Variants in ARHGAP35 observed in about 807,000 individuals in gnomAD.
ARHGAP35 encodes rho GTPase-activating protein 35.
In ARHGAP35, 15 loss-of-function variants were observed where a neutral mutation model predicts 111.1. That is an observed-to-expected ratio of 0.13 (90% CI 0.09 to 0.21). The LOEUF is 0.21. ARHGAP35 is among the 10% of genes least tolerant of loss of function. The pLI, the probability that ARHGAP35 is intolerant of heterozygous loss-of-function variation, is 1.00. For synonymous variants in ARHGAP35, 643 were observed against 710.3 expected (o/e 0.91, Z 1.51); for missense variants, 1,262 against 1,873.0 (o/e 0.67, Z 6.02).
At chr19:46,906,124 C>T (rs780050520) in intron 1 of ARHGAP35, among the ~76,000 whole-genome samples, 1 of 151,696 alleles carries the variant, frequency 6.6e-6, no homozygotes, top group Non-Finnish European at 1.5e-5. Context: ...CTACACCAGC[C>T]TAGGCTACAT....
Position 46,937,323 on chromosome 19 carries a change from T to TGG in ARHGAP35, c.3744_3745dup (p.Val1249GlyfsTer4). ...AGGCAACCTGGGAGAGTAACTATTT[T>TGG]GGGGTGCCCTTAACAACTGTCGTGA... On this transcript the variant is annotated frameshift_variant, in exon 3 of 7. Coordinates refer to ENST00000672722, the MANE Select transcript of ARHGAP35 (RefSeq NM_004491.5). LOFTEE classifies it high-confidence loss of function. The TGG allele has an allele frequency of 6.2e-7, 1 of 1,614,002 alleles. No homozygotes were observed. Among genetic ancestry groups the TGG allele is most frequent in the Admixed American group, 1.7e-5 (1 of 60,026 alleles).
At chr19:46,935,496 T>C (rs2122222735) in intron 2 of ARHGAP35, among the ~76,000 whole-genome samples, 1 of 152,348 alleles carries the variant, frequency 6.6e-6, no homozygotes, top group Non-Finnish European at 1.5e-5. Context: ...GGAAGTGATT[T>C]TTTTCTTATA....
At chr19:46,873,069 G>T (rs943060004) in intron 1 of ARHGAP35, among the ~76,000 whole-genome samples, 1 of 152,102 alleles carries the variant, frequency 6.6e-6, no homozygotes, top group African/African-American at 2.4e-5. Context: ...AGGCCACATG[G>T]CTAGTAGGTC....
intron 5 of ARHGAP35, among the ~76,000 whole-genome samples, chr19:46,995,067 A>G (rs1271492652): frequency 6.6e-6 from 1 of 152,154 alleles, no homozygotes; most frequent in Non-Finnish European, 1.5e-5. Context: ...GGGCACAGAC[A>G]CTGCTGGTGC....
intron 1 of ARHGAP35, among the ~76,000 whole-genome samples, chr19:46,862,251 T>C (rs975416993): frequency 6.6e-6 from 1 of 152,110 alleles, no homozygotes; most frequent in Admixed American, 6.6e-5. Flanking sequence ...GCTATTCACT[T>C]AAATGATGTA....
Position 46,926,115 on chromosome 19 carries a change from C to T in ARHGAP35, c.3681+3759C>T, listed in dbSNP as rs1282663903. ...ACCCTAACAAAAAAATAGCTATGCT[C>T]TGGGTACCAATGTGATACAGAAAAA... On this transcript the variant is annotated intron_variant, in intron 2 of 6. Coordinates refer to ENST00000672722, the MANE Select transcript of ARHGAP35 (RefSeq NM_004491.5). This position sits in a 1 kb window ranked among gnomAD's most constrained non-coding sequence, Gnocchi z 4.1. Among the ~76,000 whole-genome samples, 1 of 152,158 alleles carries T rather than the reference C, an allele frequency of 6.6e-6. No individual in the cohort carries two copies. Among genetic ancestry groups the T allele is most frequent in the African/African-American group, 2.4e-5 (1 of 41,438 alleles).
chr19:46,882,259 C>G (rs929700143), intron 1 of ARHGAP35, among the ~76,000 whole-genome samples: 3 of 151,692 alleles, frequency 2.0e-5, no homozygotes, highest in Admixed American at 1.3e-4. Flanking sequence ...TCAACCCCCC[C>G]AGGTTGCTGG....
chr19:46,865,628 T>C (rs1238894481), intron 1 of ARHGAP35, among the ~76,000 whole-genome samples: 5 of 152,140 alleles, frequency 3.3e-5, no homozygotes. Flanking sequence ...TTGGTGAGTC[T>C]GCATGTGAGG....
In ARHGAP35 at chr19:46,877,248, C is replaced by CA. The variant is rs35968599; in HGVS notation, c.-189+16061dup. Among the ~76,000 whole-genome samples, 461 of 89,798 alleles carry CA rather than the reference C, an allele frequency of 5.1e-3. 2 individuals are homozygous for CA. The highest frequency in any genetic ancestry group is 0.015 in the South Asian group (38 of 2,480). 58.9% of individuals were successfully genotyped at this position (89,798 alleles called of 152,430 possible). On this transcript the variant is annotated intron_variant, in intron 1 of 6. Coordinates refer to ENST00000672722, the MANE Select transcript of ARHGAP35 (RefSeq NM_004491.5). Reference sequence around the variant, plus strand: ...GCCTGGGTAGCGAGTAAAACTGTCTCAAAAAAAAAAAAAAAAAAAAAAGTT... The same window carrying CA: ...GCCTGGGTAGCGAGTAAAACTGTCTCAAAAAAAAAAAAAAAAAAAAAAAGTT...
chr19:46,923,664 A>G (rs2056220449), intron 2 of ARHGAP35, among the ~76,000 whole-genome samples: 1 of 151,910 alleles, frequency 6.6e-6, no homozygotes, highest in Non-Finnish European at 1.5e-5. Context: ...CACGCCTGTA[A>G]TCCCAGCACT....
At chr19:46,996,964 C>T (rs931858338) in intron 5 of ARHGAP35, among the ~76,000 whole-genome samples, 1 of 152,122 alleles carries the variant, frequency 6.6e-6, no homozygotes, top group Admixed American at 6.5e-5. Context: ...TCCAGACCAG[C>T]CTGGACAACG....
At chr19:46,981,964 C>T (rs2056623088) in intron 3 of ARHGAP35, among the ~76,000 whole-genome samples, 1 of 152,074 alleles carries the variant, frequency 6.6e-6, no homozygotes, top group African/African-American at 2.4e-5. Context: ...AATGATCCAC[C>T]CACCTCAGCC....
chr19:46,999,365 G>A lies in ARHGAP35; in HGVS notation c.4098G>A (p.Lys1366=). 6.3e-7 allele frequency: 1 copy of A among 1,595,528 alleles called. No homozygotes were observed. The highest frequency in any genetic ancestry group is 8.5e-7 in the Non-Finnish European group (1 of 1,171,108). ...ALKEVLKKFP[K]ENHEVFKYVI... ...AGGAGGTATTAAAGAAATTTCCAAA[G>A]GAAAACCACGAAGTCTTCAAGTATG... The change falls in exon 6 of 7, where the codon AAG becomes AAA. Residue 1366 remains lysine, a synonymous_variant. Transcript: ENST00000672722. This position sits in a 1 kb window ranked among gnomAD's most constrained non-coding sequence, Gnocchi z 5.4.
chr19:46,922,358 T>C lies in ARHGAP35; in HGVS notation c.3681+2T>C. 6.3e-7 allele frequency: 1 copy of C among 1,583,992 alleles called. No individual in the cohort carries two copies. The highest frequency in any genetic ancestry group is 8.6e-7 in the Non-Finnish European group (1 of 1,165,634). Reference sequence around the variant, plus strand: ...CGCAGCCTAAGGAGGAACACTAAGGTAAGACACCAGTCTAGGATTAGTCAT... The same window carrying C: ...CGCAGCCTAAGGAGGAACACTAAGGCAAGACACCAGTCTAGGATTAGTCAT... On this transcript the variant is annotated splice_donor_variant, in intron 2 of 6. Coordinates refer to ENST00000672722, the MANE Select transcript of ARHGAP35 (RefSeq NM_004491.5). LOFTEE classifies it high-confidence loss of function. The surrounding 1 kb of genome is among the most constrained non-coding windows in gnomAD (Gnocchi z 4.0).
intron 2 of ARHGAP35, among the ~76,000 whole-genome samples, chr19:46,934,645 G>A (rs1270560851): frequency 6.6e-6 from 1 of 151,830 alleles, no homozygotes; most frequent in Non-Finnish European, 1.5e-5. Flanking sequence ...AGGATTACAG[G>A]TGTGAGCCAC....
chr19:46,886,543 G>T (rs1568460725), intron 1 of ARHGAP35, among the ~76,000 whole-genome samples: 1 of 152,092 alleles, frequency 6.6e-6, no homozygotes, highest in Non-Finnish European at 1.5e-5. Flanking sequence ...GTTAATAGTT[G>T]TATTTTTTAA....
intron 3 of ARHGAP35, among the ~76,000 whole-genome samples, chr19:46,940,484 C>A (rs1046465511): frequency 6.6e-6 from 1 of 152,028 alleles, no homozygotes; most frequent in African/African-American, 2.4e-5. Context: ...GCCGAGATCA[C>A]GCCACTGCAC....
intron 3 of ARHGAP35, among the ~76,000 whole-genome samples, chr19:46,962,065 G>C (rs575278436): frequency 6.6e-6 from 1 of 152,296 alleles, no homozygotes; most frequent in African/African-American, 2.4e-5. Context: ...GGCACAAAAG[G>C]CTTCTGGAAT....
intron 1 of ARHGAP35, among the ~76,000 whole-genome samples, chr19:46,868,700 A>C (rs2055871085): frequency 6.6e-6 from 1 of 152,074 alleles, no homozygotes; most frequent in African/African-American, 2.4e-5. Context: ...TTAAATCTAC[A>C]TTTTTTTCAG....
Sources: gnomAD v4.1 joint callset for allele counts (sites outside exome capture counted in the v4.1 genomes callset) on GRCh38, gnomAD v4.1.1 for gene constraint, Gnocchi (gnomAD v3.1) non-coding constraint, MANE v1.5 for transcripts, NCBI Gene and HGNC (gene_info 2026-07-23, HGNC 2026-07-21) for gene names.